TRMT9B: variants seen among roughly 807,000 people sequenced by gnomAD.
TRMT9B encodes probable tRNA methyltransferase 9B.
A neutral mutation model predicts 11.5 loss-of-function variants in TRMT9B; 16 were observed. That is an observed-to-expected ratio of 1.39 (90% CI 0.94 to 2.11). The LOEUF is 2.11. Among genes scored for constraint, TRMT9B ranks in the 30% most tolerant of loss-of-function variants. The pLI is 0.00. For missense variants in TRMT9B, 941 were observed against 553.8 expected (o/e 1.70, Z -7.02); for synonymous variants, 274 against 192.4 (o/e 1.42, Z -3.51).
chr8:13,025,571 T>C lies in TRMT9B; in HGVS notation c.*3527T>C, dbSNP rs1361411641. On this transcript the variant is annotated 3_prime_UTR_variant, in exon 5 of 5. Coordinates refer to ENST00000524591, the MANE Select transcript of TRMT9B (RefSeq NM_020844.3). Reference sequence around the variant, plus strand: ...GATGCCTCACTGTCTATTTGAGGAATTCCACAGAATCTTCAAAGGATTTGG... The same window carrying C: ...GATGCCTCACTGTCTATTTGAGGAACTCCACAGAATCTTCAAAGGATTTGG... The C allele has an allele frequency of 6.0e-6, 1 of 167,070 alleles. No homozygotes were observed. Among genetic ancestry groups the C allele is most frequent in the Non-Finnish European group, 1.5e-5 (1 of 68,136 alleles). The allele number at this position is 167,070 out of a possible 1,614,324, so 10.3% of individuals were successfully genotyped here.
chr8:12,961,100 C>T (rs1802041860), intron 1 of TRMT9B, among the ~76,000 whole-genome samples: 1 of 152,016 alleles, frequency 6.6e-6, no homozygotes, highest in Non-Finnish European at 1.5e-5. Flanking sequence ...GAGATTGCAC[C>T]ACTGCACTCC....
intron 2 of TRMT9B, among the ~76,000 whole-genome samples, chr8:12,995,877 T>C (rs1476200457): frequency 2.0e-5 from 3 of 152,160 alleles, no homozygotes; most frequent in Admixed American, 6.5e-5. Flanking sequence ...ACTGCACATA[T>C]AAAGAGCCAC....
Position 13,025,918 on chromosome 8 carries a change from G to A in TRMT9B, c.*3874G>A, listed in dbSNP as rs148623129. 5 of 166,826 alleles carry A rather than the reference G, an allele frequency of 3.0e-5. No individual in the cohort carries two copies. In the East Asian group the frequency reaches 9.7e-4, roughly 32 times the overall value. 10.3% of individuals were successfully genotyped at this position (166,826 alleles called of 1,614,324 possible). A position where few individuals can be genotyped will look rare whatever the true frequency, so the allele number is the denominator to read the frequency against. The stretch of plus-strand genomic sequence containing the variant: ...ATAGGCAAAAATTTGGAGTAATCCA[G>A]AGAAAAAACCATCCAAATATAAACC... On this transcript the variant is annotated 3_prime_UTR_variant, in exon 5 of 5. Coordinates refer to ENST00000524591, the MANE Select transcript of TRMT9B (RefSeq NM_020844.3).
At chr8:12,985,607 CTTTG>C (rs1806165612) in intron 1 of TRMT9B, among the ~76,000 whole-genome samples, 1 of 152,180 alleles carries the variant, frequency 6.6e-6, no homozygotes, top group Non-Finnish European at 1.5e-5. Flanking sequence ...GACCACCCAT[CTTTG>C]TTTGTCTTAC....
intron 1 of TRMT9B, among the ~76,000 whole-genome samples, chr8:12,949,472 T>A (rs1218292696): frequency 6.6e-6 from 1 of 152,194 alleles, no homozygotes; most frequent in African/African-American, 2.4e-5. Context: ...TGTACAAATT[T>A]TCTTTACAGT....
In TRMT9B at chr8:13,029,359, G is replaced by A. The variant is rs2128908115; in HGVS notation, c.*7315G>A. ...CTAGCAATAGTTTTAAAAGCACAAA[G>A]TGATGTAAAATATTTTGACTTTTAT... On this transcript the variant is annotated 3_prime_UTR_variant, in exon 5 of 5. Transcript: ENST00000524591. 1 of 167,124 alleles carries A rather than the reference G, an allele frequency of 6.0e-6. No homozygotes were observed. The highest frequency in any genetic ancestry group is 1.9e-4 in the East Asian group (1 of 5,196). The allele number at this position is 167,124 out of a possible 1,614,324, so 10.4% of individuals were successfully genotyped here.
chr8:12,979,918 G>C (rs1043982953), intron 1 of TRMT9B, among the ~76,000 whole-genome samples: 2 of 152,124 alleles, frequency 1.3e-5, no homozygotes, highest in African/African-American at 4.8e-5. Flanking sequence ...AACCCTGATC[G>C]TCTGAGAAGG....
intron 3 of TRMT9B, among the ~76,000 whole-genome samples, chr8:13,009,258 C>T (rs923561415): frequency 2.0e-5 from 3 of 150,862 alleles, no homozygotes; most frequent in African/African-American, 7.3e-5. Flanking sequence ...GGTGTCGAAG[C>T]GGGTGGGGTA....
chr8:13,021,434 T>C lies in TRMT9B; in HGVS notation c.755T>C (p.Phe252Ser), dbSNP rs200162214. The C allele has an allele frequency of 3.7e-4, 603 of 1,613,930 alleles. 1 individual carries two copies. The highest frequency in any genetic ancestry group is 4.7e-4 in the Non-Finnish European group (557 of 1,179,910). Residue 252 changes from phenylalanine (F) to serine (S), a missense_variant, in exon 5 of 5, where the codon TTC becomes TCC. Phe to Ser is a radical substitution (Grantham distance 155). Coordinates refer to ENST00000524591, the MANE Select transcript of TRMT9B (RefSeq NM_020844.3). ...GGAAAATCGTTTCGTTCCTGGTTTT[T>C]CTCCAGATCTTTGGATGAATCGACT... ...TLGKSFRSWF[F>S]SRSLDESTLR...
intron 4 of TRMT9B, among the ~76,000 whole-genome samples, chr8:13,016,153 T>C (rs924032176): frequency 9.6e-6 from 1 of 104,440 alleles, no homozygotes; most frequent in Non-Finnish European, 1.9e-5. Context: ...ACCCTGTACC[T>C]GAAAATCATA....
chr8:12,985,755 G>C (rs139836761), intron 1 of TRMT9B, among the ~76,000 whole-genome samples: 2 of 152,098 alleles, frequency 1.3e-5, no homozygotes, highest in African/African-American at 4.8e-5. Flanking sequence ...AAGAGTTTGT[G>C]ATCCTTCCTC....
chr8:13,019,972 C>T lies in TRMT9B; in HGVS notation c.329-1036C>T, dbSNP rs566551256. On this transcript the variant is annotated intron_variant, in intron 4 of 4. Coordinates refer to ENST00000524591, the MANE Select transcript of TRMT9B (RefSeq NM_020844.3). ...ATAGGAATGAAAACTTGATTGCTAA[C>T]GATACAAAATGTATCTGTTGAGTGA... 1.6e-4 allele frequency among the ~76,000 whole-genome samples: 25 copies of T among 152,240 alleles called. No homozygotes were observed. In the South Asian group the frequency reaches 2.3e-3, roughly 14 times the overall value.
At chr8:12,986,224 G>A (rs553279287) in intron 1 of TRMT9B, among the ~76,000 whole-genome samples, 20 of 152,214 alleles carry the variant, frequency 1.3e-4, no homozygotes, top group Admixed American at 1.3e-4. Context: ...TTGTCCTTCA[G>A]TTACCACAGA....
At chr8:13,020,975 A>C (rs1813716604) in intron 4 of TRMT9B, 33 bp from the exon 5 acceptor site, 2 of 1,415,138 alleles carry the variant, frequency 1.4e-6, no homozygotes, top group African/African-American at 1.4e-5. Context: ...ATGTGTGTGC[A>C]TACACACTGA....
intron 2 of TRMT9B, among the ~76,000 whole-genome samples, chr8:13,000,730 T>C (rs1251735090): frequency 6.6e-6 from 1 of 152,228 alleles, no homozygotes; most frequent in East Asian, 1.9e-4. Context: ...TACAACACTA[T>C]GTGTCAGCAT....
intron 1 of TRMT9B, among the ~76,000 whole-genome samples, chr8:12,971,417 T>C (rs932085590): frequency 6.6e-6 from 1 of 152,232 alleles, no homozygotes; most frequent in African/African-American, 2.4e-5. Flanking sequence ...TTCATAATAA[T>C]GAAATCCTCT....
rs555148902 is a variant in TRMT9B at position 12,973,377 on chromosome 8, C to A, written c.-199-17457C>A. ...TCAAGTGACAGGGGCTTCAGGAGGACCACACAGAAAGCTGGATATGTGCCA... is the reference window on the plus strand; with the variant it reads ...TCAAGTGACAGGGGCTTCAGGAGGAACACACAGAAAGCTGGATATGTGCCA... On this transcript the variant is annotated intron_variant, in intron 1 of 4. Transcript: ENST00000524591. Among the ~76,000 whole-genome samples the A allele has an allele frequency of 4.9e-4, 74 of 152,238 alleles. 1 individual carries two copies. Among genetic ancestry groups the A allele is most frequent in the African/African-American group, 1.5e-3 (64 of 41,526 alleles).
At chr8:12,988,760 G>C (rs966929323) in intron 1 of TRMT9B, among the ~76,000 whole-genome samples, 79 of 152,124 alleles carry the variant, frequency 5.2e-4, no homozygotes, top group Non-Finnish European at 1.9e-4. Flanking sequence ...TTCAAGATGA[G>C]ATTTGGGTGG....
intron 1 of TRMT9B, among the ~76,000 whole-genome samples, chr8:12,967,014 G>A (rs746823480): frequency 3.9e-5 from 6 of 152,108 alleles, no homozygotes; most frequent in Admixed American, 6.5e-5. Context: ...AGACACCGAC[G>A]GTGAATACTC....
Sources: gnomAD v4.1 joint callset for allele counts (sites outside exome capture counted in the v4.1 genomes callset) on GRCh38, gnomAD v4.1.1 for gene constraint, MANE v1.5 for transcripts, NCBI Gene and HGNC (gene_info 2026-07-23, HGNC 2026-07-21) for gene names.